Variants in MACROD2 observed in about 807,000 individuals in gnomAD.
MACROD2 encodes the protein mono-ADP ribosylhydrolase 2.
A neutral mutation model predicts 70.4 loss-of-function variants in MACROD2; 36 were observed. That is an observed-to-expected ratio of 0.51 (90% confidence interval 0.39 to 0.68). The LOEUF is 0.68. MACROD2 is among the 30% of genes least tolerant of loss of function. The pLI, the probability that MACROD2 is intolerant of heterozygous loss-of-function variation, is 0.00. For synonymous variants in MACROD2, 172 were observed against 178.8 expected, an observed-to-expected ratio of 0.96 and a Z score of 0.30; for missense variants, 496 against 538.4, an observed-to-expected ratio of 0.92 and a Z score of 0.78.
At chr20:15,216,323 C>T in intron 5 of MACROD2, among the ~76,000 whole-genome samples, 1 of 151,814 alleles carries the variant, frequency 6.6e-6, no homozygotes, top group Non-Finnish European at 1.5e-5. Context: ...AATATATACA[C>T]CTACTATGTA....
chr20:14,188,150 C>T (rs937733103), intron 3 of MACROD2, among the ~76,000 whole-genome samples: 1 of 152,128 alleles, frequency 6.6e-6, no homozygotes, highest in African/African-American at 2.4e-5. Flanking sequence ...CCACAGACCA[C>T]TTGCGTTGAA....
At chr20:15,418,589 G>A (rs1277694229) in intron 6 of MACROD2, among the ~76,000 whole-genome samples, 1 of 152,210 alleles carries the variant, frequency 6.6e-6, no homozygotes, top group African/African-American at 2.4e-5. Flanking sequence ...CTGGAAGTTA[G>A]ACCTTCAACT....
At chr20:14,698,475 T>C (rs2123628168) in intron 5 of MACROD2, among the ~76,000 whole-genome samples, 1 of 152,228 alleles carries the variant, frequency 6.6e-6, no homozygotes, top group East Asian at 1.9e-4. Flanking sequence ...GGTTAGCTGT[T>C]TTTCAGTAAG....
chr20:15,934,103 A>T lies in MACROD2; in HGVS notation c.838+765A>T, dbSNP rs78679078. 2.3e-3 allele frequency among the ~76,000 whole-genome samples: 352 copies of T among 152,286 alleles called. 1 individual carries two copies. The highest frequency in any genetic ancestry group is 0.023 in the South Asian group (109 of 4,820). Reference sequence around the variant, plus strand: ...CACTCACCAACATAACCAGCAAAAAAATAAAAATAAAAATCCCTGTTCCCT... The same window carrying T: ...CACTCACCAACATAACCAGCAAAAATATAAAAATAAAAATCCCTGTTCCCT... On this transcript the variant is annotated intron_variant, in intron 11 of 17. Transcript: ENST00000684519.
At chr20:15,410,062 C>A (rs887777919) in intron 6 of MACROD2, among the ~76,000 whole-genome samples, 7 of 152,080 alleles carry the variant, frequency 4.6e-5, no homozygotes, top group African/African-American at 1.2e-4. Context: ...TAAAAAAAAT[C>A]TTTTTTCCTT....
chr20:15,004,238 AT>A (rs2075018343), intron 5 of MACROD2, among the ~76,000 whole-genome samples: 1 of 152,150 alleles, frequency 6.6e-6, no homozygotes, highest in Non-Finnish European at 1.5e-5. Flanking sequence ...CTTCGCTGAC[AT>A]TTTTCTTAAG....
At chr20:14,420,415 A>G (rs977713193) in intron 3 of MACROD2, among the ~76,000 whole-genome samples, 1 of 152,098 alleles carries the variant, frequency 6.6e-6, no homozygotes, top group African/African-American at 2.4e-5. Flanking sequence ...AGACACCCTA[A>G]TCATTATAAA....
At chr20:15,440,501 AAGG>A (rs1252201570) in intron 7 of MACROD2, among the ~76,000 whole-genome samples, 3 of 152,200 alleles carry the variant, frequency 2.0e-5, no homozygotes, top group Non-Finnish European at 4.4e-5. Flanking sequence ...AACTGGTAAA[AAGG>A]AGACCAGCGC....
chr20:14,719,525 G>A (rs1237502625), intron 5 of MACROD2, among the ~76,000 whole-genome samples: 1 of 151,394 alleles, frequency 6.6e-6, no homozygotes, highest in Non-Finnish European at 1.5e-5. Flanking sequence ...GAAAGAAAAA[G>A]GGATGGGAAT....
chr20:14,077,627 A>C (rs1489215728), intron 2 of MACROD2, among the ~76,000 whole-genome samples: 1 of 152,222 alleles, frequency 6.6e-6, no homozygotes, highest in African/African-American at 2.4e-5. Context: ...TTAAAATAAG[A>C]TTACTGGTTA....
chr20:15,872,228 C>T (rs552145982), intron 9 of MACROD2, among the ~76,000 whole-genome samples: 1 of 152,186 alleles, frequency 6.6e-6, no homozygotes, highest in South Asian at 2.1e-4. Flanking sequence ...TTTCCTTCTT[C>T]TTCTTATCTC....
chr20:15,026,977 G>C (rs912686563), intron 5 of MACROD2, among the ~76,000 whole-genome samples: 6 of 152,074 alleles, frequency 3.9e-5, no homozygotes, highest in African/African-American at 1.2e-4. Context: ...AAAAATCACT[G>C]GTATTTTCTC....
At chr20:14,203,028 C>A (rs1243658682) in intron 3 of MACROD2, among the ~76,000 whole-genome samples, 7 of 149,820 alleles carry the variant, frequency 4.7e-5, no homozygotes, top group Admixed American at 4.7e-4. Context: ...GCCTGAGCAA[C>A]AAGAGCAAAA....
At chr20:14,197,795 A>G (rs1298645439) in intron 3 of MACROD2, among the ~76,000 whole-genome samples, 2 of 152,064 alleles carry the variant, frequency 1.3e-5, no homozygotes, top group Non-Finnish European at 2.9e-5. Flanking sequence ...CATGTTTGCT[A>G]CTCTTAACAG....
chr20:14,822,759 T>TA (rs1475913245), intron 5 of MACROD2, among the ~76,000 whole-genome samples: 1 of 152,106 alleles, frequency 6.6e-6, no homozygotes, highest in Admixed American at 6.6e-5. Context: ...TGTGCTTTGA[T>TA]AGAGTTTTCG....
intron 8 of MACROD2, among the ~76,000 whole-genome samples, chr20:15,566,640 TAAAAG>T (rs1230143088): frequency 2.0e-5 from 3 of 152,216 alleles, no homozygotes; most frequent in Non-Finnish European, 4.4e-5. Flanking sequence ...TTCTTGTCAT[TAAAAG>T]AAGAAGAAAA....
intron 3 of MACROD2, among the ~76,000 whole-genome samples, chr20:14,306,458 A>G (rs1210150337): frequency 6.6e-6 from 1 of 152,156 alleles, no homozygotes; most frequent in Non-Finnish European, 1.5e-5. Flanking sequence ...TAACATGATT[A>G]TACAGTCTGT....
chr20:15,572,983 T>C (rs2146630032), intron 8 of MACROD2, among the ~76,000 whole-genome samples: 1 of 152,250 alleles, frequency 6.6e-6, no homozygotes, highest in East Asian at 1.9e-4. Context: ...TACCAATAAA[T>C]TGAAAAGTGC....
intron 8 of MACROD2, among the ~76,000 whole-genome samples, chr20:15,578,137 G>A (rs934738548): frequency 6.6e-6 from 1 of 152,140 alleles, no homozygotes; most frequent in African/African-American, 2.4e-5. Flanking sequence ...ATATTAATCT[G>A]GAAAGTCTGA....
Sources: gnomAD v4.1 joint callset for allele counts (sites outside exome capture counted in the v4.1 genomes callset) on GRCh38, gnomAD v4.1.1 for gene constraint, MANE v1.5 for transcripts, NCBI Gene and HGNC (gene_info 2026-07-23, HGNC 2026-07-21) for gene names.